CMTM4: variants seen among roughly 807,000 people sequenced by gnomAD.
CMTM4 encodes the protein CKLF like MARVEL transmembrane domain containing 4.
A neutral mutation model predicts 19.0 loss-of-function variants in CMTM4; 8 were observed. The ratio of observed to expected loss-of-function variants is 0.42; its 90% CI spans 0.25 to 0.76. The LOEUF is 0.76. CMTM4 is among the 30% of genes least tolerant of loss of function. CMTM4 has a pLI of 0.27. For synonymous variants in CMTM4, 106 were observed against 121.1 expected, an observed-to-expected ratio of 0.88 and a Z score of 0.82; for missense variants, 228 against 290.2, an observed-to-expected ratio of 0.79 and a Z score of 1.56.
chr16:66,613,087 G>A (rs892116487), downstream of CMTM4: 3 of 702,870 alleles, frequency 4.3e-6, no homozygotes, highest in Non-Finnish European at 7.8e-6. Context: ...TCTGCACTTG[G>A]TGCTCCTGCC....
At chr16:66,610,254 G>A (rs186375819), downstream of CMTM4, among the ~76,000 whole-genome samples, 21 of 152,212 alleles carry the variant, frequency 1.4e-4, no homozygotes, top group East Asian at 3.1e-3. The surrounding 1 kb of genome is among the most constrained non-coding windows in gnomAD (Gnocchi z 4.6). Flanking sequence ...AGGCCAGGCC[G>A]GCAAGTCTCC....
the CMTM4 span, among the ~76,000 whole-genome samples, chr16:66,598,763 C>T: frequency 6.6e-6 from 1 of 152,100 alleles, no homozygotes; most frequent in African/African-American, 2.4e-5. Flanking sequence ...CTTTTTCTTG[C>T]TGAGTAGTAT....
intron 1 of CMTM4, among the ~76,000 whole-genome samples, chr16:66,646,232 A>G (rs1483270430): frequency 6.6e-6 from 1 of 152,210 alleles, no homozygotes; most frequent in African/African-American, 2.4e-5. Flanking sequence ...GATTTAAGCT[A>G]AACAGTAAAA....
downstream of CMTM4, among the ~76,000 whole-genome samples, chr16:66,614,140 A>G (rs1021205033): frequency 6.6e-6 from 1 of 152,250 alleles, no homozygotes; most frequent in Non-Finnish European, 1.5e-5. This position sits in a 1 kb window ranked among gnomAD's most constrained non-coding sequence, Gnocchi z 4.9. Flanking sequence ...CCAATCTGAC[A>G]GGAGGCAGAG....
downstream of CMTM4, chr16:66,610,107 C>T (rs2015320357): frequency 7.0e-7 from 1 of 1,434,974 alleles, no homozygotes; most frequent in Admixed American, 1.9e-5. The surrounding 1 kb of genome is among the most constrained non-coding windows in gnomAD (Gnocchi z 4.6). Flanking sequence ...TTCCTCTCTC[C>T]CCATGGCAGG....
rs755983281 is a variant in CMTM4, at chr16:66,622,848, C to T, written c.462+556G>A. On this transcript the variant is annotated intron_variant, in intron 3 of 3. Transcript: ENST00000394106. This position sits in a 1 kb window ranked among gnomAD's most constrained non-coding sequence, Gnocchi z 4.0. ...CTGAGTGGCACCTGGGAGAGCAGTT[C>T]GTTTAATCATTTATAAACCTTTTAA... Among the ~76,000 whole-genome samples, 1 of 152,128 alleles carries T rather than the reference C, an allele frequency of 6.6e-6. No homozygotes were observed. The highest frequency in any genetic ancestry group is 2.4e-5 in the African/African-American group (1 of 41,438).
At chr16:66,646,159 T>A (rs1216933439) in intron 1 of CMTM4, among the ~76,000 whole-genome samples, 1 of 152,140 alleles carries the variant, frequency 6.6e-6, no homozygotes, top group East Asian at 1.9e-4. Flanking sequence ...AGTGACCCCA[T>A]TTTTGGTGAA....
the CMTM4 span, among the ~76,000 whole-genome samples, chr16:66,606,425 G>A: frequency 1.2e-4 from 18 of 152,250 alleles, no homozygotes; most frequent in East Asian, 3.9e-4. Flanking sequence ...CTCCCAGCCC[G>A]TCTCTATGCC....
intron 1 of CMTM4, among the ~76,000 whole-genome samples, chr16:66,673,847 T>C (rs1246837530): frequency 2.6e-5 from 4 of 152,240 alleles, no homozygotes; most frequent in Non-Finnish European, 4.4e-5. Context: ...TGAAATAGTC[T>C]TGGTCGTGGG....
chr16:66,655,263 G>A (rs1460684284), intron 1 of CMTM4, among the ~76,000 whole-genome samples: 2 of 152,072 alleles, frequency 1.3e-5, no homozygotes, highest in African/African-American at 2.4e-5. Flanking sequence ...GAGGTACTGC[G>A]CCCAGCTGAA....
chr16:66,673,827 G>A (rs143320206), intron 1 of CMTM4, among the ~76,000 whole-genome samples: 12 of 152,294 alleles, frequency 7.9e-5, no homozygotes, highest in African/African-American at 1.9e-4. Flanking sequence ...TGCAACTTCC[G>A]CTCAGGTCCT....
rs542108646 is a variant in CMTM4, at chr16:66,617,990, G to C, written c.*4068C>G. 158 of 985,658 alleles carry C rather than the reference G, an allele frequency of 1.6e-4. No homozygotes were observed. The African/African-American group carries it at 2.6e-3, about 16-fold the overall frequency. 61.1% of individuals were successfully genotyped at this position (985,658 alleles called of 1,614,324 possible). On this transcript the variant is annotated 3_prime_UTR_variant, in exon 4 of 4. Transcript: ENST00000394106. ...TCTAGTGCTGATAGCAGACAGGTGG[G>C]GTGTTCCAGGCCACTGCTTCCTCCC...
At chr16:66,604,738 T>G in the CMTM4 span, 3 of 1,169,044 alleles carry the variant, frequency 2.6e-6, no homozygotes, top group Non-Finnish European at 3.2e-6. Flanking sequence ...CAGCCCGGGT[T>G]TCCGCTTCCC....
chr16:66,690,640 T>C (rs2017117908), intron 1 of CMTM4, among the ~76,000 whole-genome samples: 1 of 152,118 alleles, frequency 6.6e-6, no homozygotes, highest in African/African-American at 2.4e-5. Flanking sequence ...GAAGTGCAAA[T>C]ACTCACATTT....
intron 2 of CMTM4, among the ~76,000 whole-genome samples, chr16:66,635,790 C>G (rs1259756575): frequency 1.3e-5 from 2 of 152,168 alleles, no homozygotes; most frequent in Non-Finnish European, 2.9e-5. Flanking sequence ...TCATTCAGCA[C>G]AGTAAGGACA....
intron 1 of CMTM4, among the ~76,000 whole-genome samples, chr16:66,684,697 T>G (rs1371856848): frequency 6.6e-6 from 1 of 152,182 alleles, no homozygotes; most frequent in Non-Finnish European, 1.5e-5. Context: ...TAGGATAGTT[T>G]CCAAATACTT....
intron 1 of CMTM4, among the ~76,000 whole-genome samples, chr16:66,660,207 G>A (rs2144857585): frequency 6.6e-6 from 1 of 152,116 alleles, no homozygotes; most frequent in East Asian, 1.9e-4. Flanking sequence ...GGGCAATCTA[G>A]TGAGACTCCA....
At chr16:66,662,331 T>G (rs2016512563) in intron 1 of CMTM4, among the ~76,000 whole-genome samples, 1 of 152,112 alleles carries the variant, frequency 6.6e-6, no homozygotes, top group African/African-American at 2.4e-5. Flanking sequence ...TTTCCTCCAG[T>G]GTTCCCCAGC....
At chr16:66,631,043 G>A (rs1210920573) in intron 2 of CMTM4, among the ~76,000 whole-genome samples, 1 of 151,654 alleles carries the variant, frequency 6.6e-6, no homozygotes, top group Non-Finnish European at 1.5e-5. Flanking sequence ...TCTGAGAAGT[G>A]AGGAGCCCCT....
Sources: gnomAD v4.1 joint callset for allele counts (sites outside exome capture counted in the v4.1 genomes callset) on GRCh38, gnomAD v4.1.1 for gene constraint, Gnocchi (gnomAD v3.1) non-coding constraint, MANE v1.5 for transcripts, NCBI Gene and HGNC (gene_info 2026-07-23, HGNC 2026-07-21) for gene names.